KCNH8: variants seen among roughly 807,000 people sequenced by gnomAD.
KCNH8 encodes the protein voltage-gated delayed rectifier potassium channel KCNH8.
KCNH8 carries 70 observed loss-of-function variants against 103.6 expected under a neutral mutation model. The observed-to-expected ratio is 0.68, with a 90% CI of 0.56 to 0.82. The LOEUF (loss-of-function observed/expected upper bound fraction) is 0.82, where lower values mean the gene tolerates loss of function less well. KCNH8 is among the 40% of genes least tolerant of loss of function. The pLI is 0.00. For missense variants in KCNH8, 1,217 were observed against 1,329.9 expected, an observed-to-expected ratio of 0.92 and a Z score of 1.32; for synonymous variants, 498 against 489.4, an observed-to-expected ratio of 1.02 and a Z score of -0.23.
intron 3 of KCNH8, among the ~76,000 whole-genome samples, chr3:19,324,321 TAAA>T (rs1453763190): frequency 2.6e-5 from 4 of 151,950 alleles, no homozygotes; most frequent in Non-Finnish European, 5.9e-5. Flanking sequence ...TGGCAGAAGG[TAAA>T]GAAGAAAGCA....
At chr3:19,297,072 T>C (rs2065005759) in intron 3 of KCNH8, among the ~76,000 whole-genome samples, 1 of 152,082 alleles carries the variant, frequency 6.6e-6, no homozygotes, top group Admixed American at 6.5e-5. Flanking sequence ...CAGTATGAGA[T>C]AGACACTTGA....
chr3:19,202,497 A>G (rs1559420450), intron 1 of KCNH8, among the ~76,000 whole-genome samples: 1 of 152,080 alleles, frequency 6.6e-6, no homozygotes, highest in African/African-American at 2.4e-5. Flanking sequence ...GTGTTTGCCG[A>G]TAATACAAAG....
At chr3:19,313,779 T>A (rs1468617615) in intron 3 of KCNH8, among the ~76,000 whole-genome samples, 1 of 151,672 alleles carries the variant, frequency 6.6e-6, no homozygotes, top group African/African-American at 2.4e-5. Flanking sequence ...TTATAGATGA[T>A]CATACAAAGT....
intron 1 of KCNH8, among the ~76,000 whole-genome samples, chr3:19,159,588 A>G (rs2063214810): frequency 6.6e-6 from 1 of 152,058 alleles, no homozygotes; most frequent in South Asian, 2.1e-4. Flanking sequence ...TCCAGTTCTT[A>G]TAGTTTTGGC....
At chr3:19,335,690 G>A (rs1337558151) in intron 3 of KCNH8, among the ~76,000 whole-genome samples, 1 of 151,568 alleles carries the variant, frequency 6.6e-6, no homozygotes, top group Non-Finnish European at 1.5e-5. Flanking sequence ...AGTGACATGA[G>A]ATGGTCTTTT....
rs1192545598 is a variant in KCNH8, at chr3:19,243,195, A to G, written c.77-10459A>G. On this transcript the variant is annotated intron_variant, in intron 1 of 15. Transcript: ENST00000328405. ...GCCTAATTTATTTGGCTTCCTTCTT[A>G]CTACTCATCTCCATTCTGTAATGCA... Among the ~76,000 whole-genome samples the G allele has an allele frequency of 1.3e-5, 2 of 152,038 alleles. 1 individual carries two copies. Among genetic ancestry groups the G allele is most frequent in the Non-Finnish European group, 2.9e-5 (2 of 68,002 alleles).
intron 5 of KCNH8, among the ~76,000 whole-genome samples, chr3:19,386,738 T>C (rs2125128297): frequency 6.6e-6 from 1 of 152,270 alleles, no homozygotes; most frequent in East Asian, 1.9e-4. Flanking sequence ...CTTCTAAAAA[T>C]GAAAGTTATA....
intron 7 of KCNH8, among the ~76,000 whole-genome samples, chr3:19,403,361 A>AATATATATATATATATATAT (rs57523893): frequency 3.0e-4 from 37 of 124,620 alleles, no homozygotes; most frequent in Non-Finnish European, 4.1e-4. Flanking sequence ...ATATGTAAAG[A>AATATATATATATATATATAT]ATATATATAT....
chr3:19,367,394 CTA>C (rs1235622472), intron 5 of KCNH8, among the ~76,000 whole-genome samples: 2 of 144,704 alleles, frequency 1.4e-5, no homozygotes, highest in South Asian at 2.1e-4. Context: ...CTCTCTCTCT[CTA>C]TATATATATT....
intron 3 of KCNH8, among the ~76,000 whole-genome samples, chr3:19,297,729 A>T (rs570694900): frequency 1.3e-5 from 2 of 152,326 alleles, no homozygotes; most frequent in East Asian, 3.9e-4. Flanking sequence ...GCTAGAAGGT[A>T]TCTACAACTT....
At chr3:19,234,669 G>C (rs989040662) in intron 1 of KCNH8, among the ~76,000 whole-genome samples, 18 of 62,884 alleles carry the variant, frequency 2.9e-4, no homozygotes, top group Admixed American at 3.6e-4. Context: ...TCCCGGCCTT[G>C]GGCAGCCCAG....
chr3:19,318,867 C>T (rs576130042), intron 3 of KCNH8, among the ~76,000 whole-genome samples: 3 of 151,640 alleles, frequency 2.0e-5, no homozygotes, highest in African/African-American at 7.2e-5. Flanking sequence ...GAGGTGGTGT[C>T]GCATTGTGGT....
At chr3:19,305,923 C>T (rs962110169) in intron 3 of KCNH8, among the ~76,000 whole-genome samples, 8 of 151,564 alleles carry the variant, frequency 5.3e-5, no homozygotes, top group South Asian at 2.1e-4. Flanking sequence ...ATATGGGAAA[C>T]GAATTGGTAA....
At chr3:19,496,639 G>T (rs1425419438) in intron 11 of KCNH8, among the ~76,000 whole-genome samples, 1 of 152,060 alleles carries the variant, frequency 6.6e-6, no homozygotes, top group Non-Finnish European at 1.5e-5. Context: ...CAAGGATATT[G>T]ACCTGAAGTT....
chr3:19,400,642 AAGAATCT>A (rs2066599101), intron 7 of KCNH8, among the ~76,000 whole-genome samples: 1 of 151,968 alleles, frequency 6.6e-6, no homozygotes, highest in African/African-American at 2.4e-5. Flanking sequence ...TGGGAAGGCC[AAGAATCT>A]AGAATGGGAA....
chr3:19,308,151 CTA>C (rs1321842567), intron 3 of KCNH8, among the ~76,000 whole-genome samples: 2 of 151,872 alleles, frequency 1.3e-5, no homozygotes, highest in South Asian at 2.1e-4. Flanking sequence ...ACTAGGTACT[CTA>C]TGAATATGTA....
At chr3:19,407,541 C>A (rs1453643086) in intron 7 of KCNH8, among the ~76,000 whole-genome samples, 2 of 151,874 alleles carry the variant, frequency 1.3e-5, no homozygotes, top group African/African-American at 2.4e-5. Flanking sequence ...TTGAGGTGAT[C>A]CTTTCTTCTC....
intron 1 of KCNH8, among the ~76,000 whole-genome samples, chr3:19,155,751 C>T (rs905184658): frequency 6.6e-6 from 1 of 152,206 alleles, no homozygotes; most frequent in Admixed American, 6.5e-5. Flanking sequence ...CAAACTCCTT[C>T]TCTGAGGCTC....
intron 5 of KCNH8, among the ~76,000 whole-genome samples, chr3:19,366,037 T>C (rs1411658215): frequency 6.6e-6 from 1 of 152,114 alleles, no homozygotes; most frequent in Non-Finnish European, 1.5e-5. Flanking sequence ...AACACATCTT[T>C]TTTTAAAAAA....
Sources: allele counts gnomAD v4.1 joint callset (sites outside exome capture counted in the v4.1 genomes callset), GRCh38; gene constraint gnomAD v4.1.1; transcripts MANE v1.5; gene names NCBI Gene and HGNC (gene_info 2026-07-23, HGNC 2026-07-21).